Variants in MUC5AC observed in about 807,000 individuals in gnomAD.
The protein encoded by MUC5AC is mucin 5AC, oligomeric mucus/gel-forming.
Under a neutral mutation model 169.7 loss-of-function variants are expected in MUC5AC, and 158 were observed. The ratio of observed to expected loss-of-function variants is 0.93; its 90% CI spans 0.82 to 1.06. The LOEUF (loss-of-function observed/expected upper bound fraction) is 1.06. MUC5AC is among the 50% of genes least tolerant of loss of function. The probability of loss-of-function intolerance (pLI) is 0.00; values close to 1 mark genes in which losing one functional copy is unlikely to be tolerated. For missense variants in MUC5AC, 4,359 were observed against 3,089.9 expected, an observed-to-expected ratio of 1.41 and a Z score of -9.74; for synonymous variants, 1,975 against 1,237.0, an observed-to-expected ratio of 1.60 and a Z score of -12.52.
In MUC5AC at chr11:1,197,386, C is replaced by G. The variant is rs527633598; in HGVS notation, c.15862-82C>G. The G allele has an allele frequency of 7.0e-5, 47 of 675,628 alleles. No homozygotes were observed. The Admixed American group carries it at 9.6e-4, about 14-fold the overall frequency. 41.9% of individuals were successfully genotyped at this position (675,628 alleles called of 1,614,324 possible). On this transcript the variant is annotated intron_variant, in intron 40 of 48. Transcript: ENST00000621226. ...ACACGGCCTCCACACCTGGCTGCCC[C>G]GGCACTGCATGAGCCGGGGTGGCTG...
At chr11:1,171,539 A>ACTCT (rs1860536808) in intron 15 of MUC5AC, among the ~76,000 whole-genome samples, 1 of 133,432 alleles carries the variant, frequency 7.5e-6, no homozygotes, top group Non-Finnish European at 1.6e-5. Flanking sequence ...TCACCCACTC[A>ACTCT]CTCACCTACT....
At position 1,199,470 on chromosome 11, in the gene MUC5AC, C is replaced by T. The variant is rs1307300205; in HGVS notation, c.16495C>T (p.Pro5499Ser). 2 of 719,284 alleles carry T rather than the reference C, an allele frequency of 2.8e-6. No homozygotes were observed. The highest frequency in any genetic ancestry group is 2.5e-6 in the Non-Finnish European group (1 of 394,400). 44.6% of individuals were successfully genotyped at this position (719,284 alleles called of 1,614,324 possible). A position where few individuals can be genotyped will look rare whatever the true frequency, so the allele number is the denominator to read the frequency against. ...LVVVTTKKAC[P>S]PLSCSLDEAR... is the part of the protein sequence containing the mutation. Reference sequence around the variant, plus strand: ...GGTGGTCACCACGAAGAAGGCGTGCCCCCCGCTCAGCTGTTCTCTGGTGAG... The same window carrying T: ...GGTGGTCACCACGAAGAAGGCGTGCTCCCCGCTCAGCTGTTCTCTGGTGAG... Residue 5499 changes from proline to serine, a missense_variant, in exon 46 of 49, where the codon CCC becomes TCC. Physicochemically the swap from Pro to Ser is moderately conservative, Grantham distance 74. Coordinates refer to ENST00000621226, the MANE Select transcript of MUC5AC (RefSeq NM_001304359.2).
At chr11:1,170,396 TTCACCC>T (rs1860469697) in intron 15 of MUC5AC, among the ~76,000 whole-genome samples, 1 of 97,024 alleles carries the variant, frequency 1.0e-5, no homozygotes, top group African/African-American at 4.0e-5. Context: ...CACTCACCCA[TTCACCC>T]ACTCACCTAC....
In MUC5AC at chr11:1,191,128, G is replaced by A. The variant is rs1452276226; in HGVS notation, c.12983G>A (p.Ser4328Asn). The A allele has an allele frequency of 2.4e-5, 17 of 697,882 alleles. No homozygotes were observed. The highest frequency in any genetic ancestry group is 4.5e-5 in the Non-Finnish European group (17 of 378,488). The allele number at this position is 697,882 out of a possible 1,614,324, so 43.2% of individuals were successfully genotyped here. ...GTTPSPVPTT[S>N]TTSAPITSTT... is the part of the protein sequence containing the mutation. ...ACTCCCAGCCCTGTTCCCACCACCA[G>A]CACAACCTCTGCTCCTATAACCAGC... Residue 4328 changes from serine to asparagine, a missense_variant, in exon 31 of 49, where the codon AGC becomes AAC. Ser to Asn is a conservative substitution (Grantham distance 46). Coordinates refer to ENST00000621226, the MANE Select transcript of MUC5AC (RefSeq NM_001304359.2).
intron 15 of MUC5AC, 75 bp downstream of exon 15, chr11:1,169,101 C>T: frequency 6.8e-7 from 1 of 1,463,582 alleles, no homozygotes; most frequent in Admixed American, 2.7e-5. Context: ...GCACTGCAGG[C>T]AGCGAGGCCG....
intron 26 of MUC5AC, among the ~76,000 whole-genome samples, chr11:1,179,476 G>A (rs1032227307): frequency 1.4e-4 from 21 of 152,004 alleles, no homozygotes; most frequent in African/African-American, 4.8e-4. Flanking sequence ...AGAGGAGGGC[G>A]TGGCTGACAG....
chr11:1,178,684 G>A lies in MUC5AC; in HGVS notation c.3327+1G>A, dbSNP rs1000197991. On this transcript the variant is annotated splice_donor_variant, in intron 25 of 48. Transcript: ENST00000621226. LOFTEE classifies it high-confidence loss of function. ...CACCTTCGCCGCCTGCCACGCACAC[G>A]TATGCTGGCCGGGGGGCGTTTCTCT... is the stretch of plus-strand genomic sequence containing the variant. 7 of 1,293,610 alleles carry A rather than the reference G, an allele frequency of 5.4e-6. No homozygotes were observed. The highest frequency in any genetic ancestry group is 2.7e-5 in the South Asian group (1 of 36,794). 80.1% of individuals were successfully genotyped at this position (1,293,610 alleles called of 1,614,324 possible).
In MUC5AC at chr11:1,200,621, G is replaced by A. The variant is rs377115886; in HGVS notation, c.16884G>A (p.Ser5628=). ...CTGCGCCGGGCGACACCCAGCACTC[G>A]GAGGAGGCGGAACCCGAGCCCAGCC... is the stretch of plus-strand genomic sequence containing the variant. ...RCPAPGDTQH[S]EEAEPEPSQE... is the part of the protein sequence containing the mutation. Residue 5628 remains serine (S), a synonymous_variant, in exon 49 of 49, where the codon TCG becomes TCA. Transcript: ENST00000621226. 1.6e-5 allele frequency: 12 copies of A among 764,122 alleles called. No individual in the cohort carries two copies. Among genetic ancestry groups the A allele is most frequent in the East Asian group, 4.9e-5 (2 of 41,220 alleles). The allele number at this position is 764,122 out of a possible 1,614,324, so 47.3% of individuals were successfully genotyped here.
chr11:1,165,584 G>A (rs765460619), intron 10 of MUC5AC, 38 bp from the exon 11 acceptor site: 8 of 1,608,668 alleles, frequency 5.0e-6, no homozygotes, highest in Non-Finnish European at 6.8e-6. Context: ...CTGGTCTCCT[G>A]GGGCCGGCAC....
chr11:1,164,554 G>C (rs1388822913), intron 9 of MUC5AC, 22 bp downstream of exon 9: 13 of 1,593,042 alleles, frequency 8.2e-6, no homozygotes, highest in Non-Finnish European at 1.0e-5. Context: ...CCGCCCCTGG[G>C]AAACACAGGT....
intron 42 of MUC5AC, 33 bp from the exon 43 acceptor site, chr11:1,198,235 G>A (rs369849232): frequency 2.3e-5 from 17 of 739,390 alleles, no homozygotes; most frequent in East Asian, 5.0e-5. Context: ...AGTGGGCGGC[G>A]GGGGGTGCAG....
rs1860694397 is a variant in MUC5AC at position 1,176,567 on chromosome 11, CG to C, written c.2558del (p.Gly853AlafsTer121). On this transcript the variant is annotated frameshift_variant, in exon 21 of 49. Transcript: ENST00000621226. LOFTEE classifies it high-confidence loss of function. Reference protein sequence around the residue: ...CVCPDGLVADGEGGCITAEDC... With the variant: ...CVCPDGLVADXEGGCITAEDC... ...TGTGCCCCGACGGGCTGGTGGCGGA[CG>C]GCGAGGGCGGCTGCATCACTGCGGA... 2.5e-6 allele frequency: 1 copy of C among 399,610 alleles called. No individual in the cohort carries two copies. The highest frequency in any genetic ancestry group is 4.4e-6 in the Non-Finnish European group (1 of 226,918). 24.8% of individuals were successfully genotyped at this position (399,610 alleles called of 1,614,324 possible).
rs1861221430 is a variant in MUC5AC at position 1,194,890 on chromosome 11, G to A, written c.15191-122G>A. 9.6e-6 allele frequency: 6 copies of A among 626,222 alleles called. No individual in the cohort carries two copies. The East Asian group carries it at 1.6e-4, about 17-fold the overall frequency. 38.8% of individuals were successfully genotyped at this position (626,222 alleles called of 1,614,324 possible). Reference sequence around the variant, plus strand: ...TGTTCTCGGGGGACAGTGAGGCACAGGCAGGGCCCGCTGCAGTTCACCAAG... The same window carrying A: ...TGTTCTCGGGGGACAGTGAGGCACAAGCAGGGCCCGCTGCAGTTCACCAAG... On this transcript the variant is annotated intron_variant, in intron 35 of 48. Transcript: ENST00000621226.
rs573272489 is a variant in MUC5AC, at chr11:1,197,579, G to A, written c.15973G>A (p.Gly5325Ser). ...GCTGCCCCCTGCCTGCCCCCTGCCC[G>A]GCTTCGTGCCTGTGCCTGCAGCCCC... ...CPLPPACPLPGFVPVPAAPQA... is the reference protein window; with the variant it reads ...CPLPPACPLPSFVPVPAAPQA... The change falls in exon 41 of 49, where the codon GGC (glycine) becomes AGC (serine). Residue 5325 changes from glycine to serine, a missense_variant. Coordinates refer to ENST00000621226, the MANE Select transcript of MUC5AC (RefSeq NM_001304359.2). 4 of 721,938 alleles carry A rather than the reference G, an allele frequency of 5.5e-6. No individual in the cohort carries two copies. The highest frequency in any genetic ancestry group is 4.4e-5 in the South Asian group (3 of 68,796). 44.7% of individuals were successfully genotyped at this position (721,938 alleles called of 1,614,324 possible). A position where few individuals can be genotyped will look rare whatever the true frequency, so the allele number is the denominator to read the frequency against.
chr11:1,162,483 G>T, intron 4 of MUC5AC, 49 bp from the exon 5 acceptor site: 1 of 1,536,350 alleles, frequency 6.5e-7, no homozygotes, highest in Non-Finnish European at 9.0e-7. Flanking sequence ...CCTGCCTGGG[G>T]TCTCTCCTCA....
chr11:1,168,107 GCAA>G, intron 12 of MUC5AC, 120 bp downstream of exon 12: 3 of 831,354 alleles, frequency 3.6e-6, no homozygotes, highest in Non-Finnish European at 5.8e-6. Flanking sequence ...GGACCCTCTG[GCAA>G]CACTGGCTGT....
At position 1,199,707 on chromosome 11, in the gene MUC5AC, A is replaced by G. The variant is rs1281663783; in HGVS notation, c.16528A>G (p.Met5510Val). ...TCTGTCGGCACAGGACGAGGCCCGC[A>G]TGAGCAAGGACGGCTGCTGCCGCTT... Reference protein sequence around the residue: ...PLSCSLDEARMSKDGCCRFCP... With the variant: ...PLSCSLDEARVSKDGCCRFCP... Residue 5510 changes from methionine (M) to valine (V), a missense_variant, in exon 47 of 49, where the codon ATG becomes GTG. Met to Val is a conservative substitution (Grantham distance 21). Coordinates refer to ENST00000621226, the MANE Select transcript of MUC5AC (RefSeq NM_001304359.2). 2 of 710,622 alleles carry G rather than the reference A, an allele frequency of 2.8e-6. No homozygotes were observed. Among genetic ancestry groups the G allele is most frequent in the Non-Finnish European group, 5.1e-6 (2 of 389,730 alleles). 44.0% of individuals were successfully genotyped at this position (710,622 alleles called of 1,614,324 possible).
rs76521741 is a variant in MUC5AC at position 1,191,899 on chromosome 11, C to T, written c.13754C>T (p.Thr4585Met). 3.6e-4 allele frequency: 273 copies of T among 761,982 alleles called. No homozygotes were observed. Among genetic ancestry groups the T allele is most frequent in the Non-Finnish European group, 4.9e-4 (205 of 417,054 alleles). 47.2% of individuals were successfully genotyped at this position (761,982 alleles called of 1,614,324 possible). The change falls in exon 31 of 49, where the codon ACG (threonine) becomes ATG (methionine). Residue 4585 changes from threonine (T) to methionine (M), a missense_variant. Coordinates refer to ENST00000621226, the MANE Select transcript of MUC5AC (RefSeq NM_001304359.2). The part of the protein sequence containing the change: ...TSTTSAPTTS[T>M]TSGPGTTPSP... ...ACAACCTCTGCTCCTACAACCAGCA[C>T]GACCTCTGGTCCTGGAACTACTCCC...
chr11:1,187,051 C>T lies in MUC5AC; in HGVS notation c.8906C>T (p.Thr2969Ile), dbSNP rs1322774017. Residue 2969 changes from threonine to isoleucine, a missense_variant, in exon 31 of 49, where the codon ACA becomes ATA. Thr to Ile is a moderately conservative substitution (Grantham distance 89, BLOSUM62 -1). Coordinates refer to ENST00000621226, the MANE Select transcript of MUC5AC (RefSeq NM_001304359.2). ...ACCACCAGCACAACTTCTGCTTCTA[C>T]AACCAGCACAACCTCTGGTCCTGGA... Reference protein sequence around the residue: ...VPTTSTTSASTTSTTSGPGTT... With the variant: ...VPTTSTTSASITSTTSGPGTT... 8.0e-6 allele frequency: 6 copies of T among 750,514 alleles called. No homozygotes were observed. The highest frequency in any genetic ancestry group is 7.1e-5 in the Admixed American group (4 of 56,596). 46.5% of individuals were successfully genotyped at this position (750,514 alleles called of 1,614,324 possible). A position where few individuals can be genotyped will look rare whatever the true frequency, so the allele number is the denominator to read the frequency against.
Sources: allele counts gnomAD v4.1 joint callset (sites outside exome capture counted in the v4.1 genomes callset), GRCh38; gene constraint gnomAD v4.1.1; transcripts MANE v1.5; gene names NCBI Gene and HGNC (gene_info 2026-07-23, HGNC 2026-07-21).